STK3: variants seen among roughly 807,000 people sequenced by gnomAD.
STK3 encodes serine/threonine kinase 3, also known as serine/threonine-protein kinase 3.
In STK3, 41 loss-of-function variants were observed where a neutral mutation model predicts 58.0. The observed-to-expected ratio is 0.71, with a 90% CI of 0.55 to 0.92. The LOEUF is 0.92. Among genes scored for constraint, STK3 ranks in the 40% least tolerant of loss-of-function variants. The probability of loss-of-function intolerance (pLI) is 0.00; values close to 1 mark genes in which losing one functional copy is unlikely to be tolerated. For missense variants in STK3, 479 were observed against 602.7 expected (o/e 0.79, Z 2.15); for synonymous variants, 170 against 191.0 (o/e 0.89, Z 0.91).
Position 98,837,252 on chromosome 8 carries a change from T to C in STK3, c.110+46395A>G, listed in dbSNP as rs181024613. On this transcript the variant is annotated intron_variant, in intron 3 of 12. Transcript: ENST00000523601. ...TGCTTAGTTGAAGATATAGAGTATA[T>C]ATTCATGAAAGAGTAAAATAACAAT... Among the ~76,000 whole-genome samples the C allele has an allele frequency of 7.0e-3, 1,060 of 151,154 alleles. 9 individuals carry two copies. Among genetic ancestry groups the C allele is most frequent in the African/African-American group, 0.024 (996 of 41,150 alleles).
chr8:98,515,266 G>A (rs747303136), intron 10 of STK3, among the ~76,000 whole-genome samples: 3 of 151,956 alleles, frequency 2.0e-5, no homozygotes, highest in Non-Finnish European at 2.9e-5. Flanking sequence ...ATAGGATTAC[G>A]GCTAAACCTA....
chr8:98,697,273 G>A (rs926135612), intron 6 of STK3, among the ~76,000 whole-genome samples: 15 of 152,064 alleles, frequency 9.9e-5, no homozygotes, highest in African/African-American at 2.2e-4. Flanking sequence ...TCTTGCTAGC[G>A]GTCTATCAAT....
chr8:98,656,336 G>T (rs1368855864), intron 6 of STK3, among the ~76,000 whole-genome samples: 1 of 152,000 alleles, frequency 6.6e-6, no homozygotes, highest in African/African-American at 2.4e-5. Flanking sequence ...GGACTGTTGT[G>T]GGGTGGGAGG....
At chr8:98,593,253 A>G (rs1815491339) in intron 7 of STK3, among the ~76,000 whole-genome samples, 1 of 152,220 alleles carries the variant, frequency 6.6e-6, no homozygotes, top group African/African-American at 2.4e-5. Flanking sequence ...TATGATTTTT[A>G]AAAATGTATA....
chr8:98,652,913 G>C (rs1821082071), intron 6 of STK3, among the ~76,000 whole-genome samples: 1 of 152,066 alleles, frequency 6.6e-6, no homozygotes, highest in Non-Finnish European at 1.5e-5. Flanking sequence ...GTCAACATTA[G>C]ACAGATCAAC....
At chr8:98,502,333 C>T (rs915051882) in intron 10 of STK3, among the ~76,000 whole-genome samples, 18 of 152,164 alleles carry the variant, frequency 1.2e-4, no homozygotes, top group African/African-American at 4.1e-4. Context: ...TCTAAATATA[C>T]AATCATGTCG....
intron 3 of STK3, chr8:98,429,237 CA>C: frequency 1.2e-6 from 2 of 1,614,068 alleles, no homozygotes; most frequent in Non-Finnish European, 1.7e-6. Context: ...TTACCGGCGC[CA>C]AAAGCAACTT....
At chr8:98,620,523 AAAG>A (rs980263786) in intron 6 of STK3, among the ~76,000 whole-genome samples, 14 of 151,062 alleles carry the variant, frequency 9.3e-5, no homozygotes, top group East Asian at 7.7e-4. Context: ...TCAAAAAAAA[AAAG>A]AAGATGTCTC....
chr8:98,717,493 G>A (rs147331951), intron 4 of STK3, among the ~76,000 whole-genome samples: 184 of 152,104 alleles, frequency 1.2e-3, no homozygotes, highest in South Asian at 2.5e-3. Flanking sequence ...CCATTATGAC[G>A]GCTATTATCA....
chr8:98,541,177 T>C (rs1291820567), intron 9 of STK3, among the ~76,000 whole-genome samples: 1 of 152,188 alleles, frequency 6.6e-6, no homozygotes, highest in East Asian at 1.9e-4. Flanking sequence ...TCTACATCTT[T>C]AATATGGCTT....
At chr8:98,750,319 TAGAA>T (rs1420140155) in intron 3 of STK3, among the ~76,000 whole-genome samples, 3 of 151,134 alleles carry the variant, frequency 2.0e-5, no homozygotes, top group Non-Finnish European at 4.4e-5. Context: ...GGTACACAAA[TAGAA>T]AGGGAAAAAC....
At chr8:98,429,446 G>T in intron 3 of STK3, 1 of 1,482,706 alleles carries the variant, frequency 6.7e-7, no homozygotes, top group South Asian at 1.2e-5. Flanking sequence ...ACCCCACATT[G>T]CTGAGCTGCC....
chr8:98,906,989 T>TAAAAAAAAAAAAAAAAAAA (rs3085954), intron 1 of STK3, among the ~76,000 whole-genome samples: 7 of 94,766 alleles, frequency 7.4e-5, no homozygotes, highest in African/African-American at 2.5e-4. Context: ...TCTCTACCAA[T>TAAAAAAAAAAAAAAAAAAA]AAAAAAAAAA....
intron 3 of STK3, chr8:98,427,870 TG>T: frequency 1.2e-6 from 1 of 859,044 alleles, no homozygotes; most frequent in Non-Finnish European, 1.8e-6. Context: ...CCGCCAGTAA[TG>T]GGTAGGGAGA....
intron 1 of STK3, among the ~76,000 whole-genome samples, chr8:98,927,945 G>A (rs190619319): frequency 1.3e-5 from 2 of 152,158 alleles, no homozygotes; most frequent in African/African-American, 4.8e-5. Flanking sequence ...TGGACTTTTC[G>A]GTTACATGGA....
intron 6 of STK3, among the ~76,000 whole-genome samples, chr8:98,698,398 C>T (rs1299326970): frequency 6.6e-6 from 1 of 152,004 alleles, no homozygotes; most frequent in East Asian, 1.9e-4. Context: ...GAATTTGATC[C>T]TGTCATTTTG....
At chr8:98,536,043 A>T (rs1281661150) in intron 9 of STK3, among the ~76,000 whole-genome samples, 1 of 152,124 alleles carries the variant, frequency 6.6e-6, no homozygotes, top group East Asian at 1.9e-4. Flanking sequence ...AAGAAAGGAA[A>T]TTACTAGGAA....
At chr8:98,807,120 C>T (rs1466309288) in intron 1 of STK3, among the ~76,000 whole-genome samples, 1 of 145,704 alleles carries the variant, frequency 6.9e-6, no homozygotes, top group Non-Finnish European at 1.5e-5. Flanking sequence ...TGCCACTGCA[C>T]TCCAGCCTGG....
intron 3 of STK3, among the ~76,000 whole-genome samples, chr8:98,851,709 C>T (rs1488574250): frequency 6.6e-6 from 1 of 152,088 alleles, no homozygotes; most frequent in East Asian, 1.9e-4. Flanking sequence ...GCCTATAATC[C>T]CAACACTGTG....
Sources: allele counts gnomAD v4.1 joint callset (sites outside exome capture counted in the v4.1 genomes callset), GRCh38; gene constraint gnomAD v4.1.1; transcripts MANE v1.5; gene names NCBI Gene and HGNC (gene_info 2026-07-23, HGNC 2026-07-21).